TEAD4: variants seen among roughly 807,000 people sequenced by gnomAD.
TEAD4 encodes transcriptional enhancer factor TEF-3.
In TEAD4, 36 loss-of-function variants were observed where a neutral mutation model predicts 52.4. The observed-to-expected ratio is 0.69, with a 90% CI of 0.53 to 0.91. The LOEUF is 0.91. TEAD4 is among the 40% of genes least tolerant of loss of function. The pLI, the probability that TEAD4 is intolerant of heterozygous loss-of-function variation, is 0.00. For synonymous variants in TEAD4, 220 were observed against 231.0 expected (o/e 0.95, Z 0.43); for missense variants, 508 against 583.9 (o/e 0.87, Z 1.34).
At chr12:3,009,726 G>C (rs2098258716) in intron 3 of TEAD4, among the ~76,000 whole-genome samples, 1 of 152,224 alleles carries the variant, frequency 6.6e-6, no homozygotes, top group South Asian at 2.1e-4. Flanking sequence ...CAGGGTTTCA[G>C]GTGCAGATCA....
intron 2 of TEAD4, among the ~76,000 whole-genome samples, chr12:2,968,385 C>CTTTT (rs61672018): frequency 0.055 from 3,001 of 55,052 alleles, 1,075 homozygotes; most frequent in African/African-American, 0.18. Flanking sequence ...CGCGCCCGGC[C>CTTTT]TTTTTTTTTT....
At chr12:2,980,192 C>T (rs2098233006) in intron 2 of TEAD4, among the ~76,000 whole-genome samples, 2 of 152,132 alleles carry the variant, frequency 1.3e-5, no homozygotes, top group South Asian at 2.1e-4. Flanking sequence ...TTTTCTTCCC[C>T]GAGATTCTTT....
chr12:3,010,909 G>T (rs1416484036), intron 3 of TEAD4, 95 bp from the exon 4 acceptor site: 6 of 1,384,284 alleles, frequency 4.3e-6, no homozygotes, highest in Non-Finnish European at 6.1e-6. Context: ...CAGAGAGTGA[G>T]GGCAGGGCTC....
chr12:3,005,043 A>C (rs924696248), intron 3 of TEAD4, among the ~76,000 whole-genome samples: 4 of 152,252 alleles, frequency 2.6e-5, no homozygotes, highest in African/African-American at 9.6e-5. Flanking sequence ...AGCTCCACAG[A>C]CAGCCAGGGA....
chr12:3,025,052 C>A (rs1259251001), intron 10 of TEAD4, among the ~76,000 whole-genome samples: 4 of 151,962 alleles, frequency 2.6e-5, no homozygotes, highest in African/African-American at 9.7e-5. Flanking sequence ...TCAAGCAATT[C>A]CCCTGCCTCA....
chr12:3,029,233 A>ATTTTTTTT (rs71057880), intron 10 of TEAD4, among the ~76,000 whole-genome samples: 2 of 109,620 alleles, frequency 1.8e-5, no homozygotes, highest in Non-Finnish European at 3.6e-5. Context: ...CGCCTGGCCA[A>ATTTTTTTT]TTTTTTTTTT....
At chr12:2,992,506 C>T (rs1261290945) in intron 2 of TEAD4, among the ~76,000 whole-genome samples, 2 of 152,102 alleles carry the variant, frequency 1.3e-5, no homozygotes, top group Non-Finnish European at 2.9e-5. Context: ...TTCTCACAGG[C>T]CATGGGTGGG....
intron 10 of TEAD4, among the ~76,000 whole-genome samples, chr12:3,033,384 T>C (rs6489423): frequency 0.95 from 144,136 of 152,268 alleles, 68,731 homozygotes; most frequent in East Asian, 1. Context: ...GCGATGAAGC[T>C]CCCTTCCTCC....
chr12:2,997,609 G>A (rs1162972694), intron 3 of TEAD4, among the ~76,000 whole-genome samples: 4 of 152,034 alleles, frequency 2.6e-5, no homozygotes, highest in African/African-American at 9.7e-5. Flanking sequence ...CCCTTCACAG[G>A]GCAGGTCTGT....
chr12:3,022,142 G>A (rs1175588414), intron 10 of TEAD4, 125 bp downstream of exon 10: 8 of 1,276,292 alleles, frequency 6.3e-6, no homozygotes, highest in Non-Finnish European at 6.5e-6. Flanking sequence ...CAGTGAGAAG[G>A]GGAGAGTAAG....
Position 3,020,772 on chromosome 12 carries a change from C to G in TEAD4, c.722C>G (p.Thr241Arg). The change falls in exon 9 of 13, where the codon ACG (threonine) becomes AGG (arginine). Residue 241 changes from threonine (T) to arginine (R), a missense_variant and splice_region_variant. Coordinates refer to ENST00000359864, the MANE Select transcript of TEAD4 (RefSeq NM_003213.4). ...CTGGAGCAGCAGCAGGACCCGGACA[C>G]GGTAGGTCCTGGCCTCTGCCTGTCC... The G allele has an allele frequency of 6.2e-7, 1 of 1,602,832 alleles. No homozygotes were observed. The highest frequency in any genetic ancestry group is 8.5e-7 in the Non-Finnish European group (1 of 1,174,314).
chr12:3,035,702 C>T (rs1218169893), intron 10 of TEAD4, among the ~76,000 whole-genome samples: 1 of 151,912 alleles, frequency 6.6e-6, no homozygotes, highest in Non-Finnish European at 1.5e-5. Flanking sequence ...TGCCTATAAT[C>T]CTGGCTACTC....
chr12:2,985,137 C>A (rs886266295), intron 2 of TEAD4, among the ~76,000 whole-genome samples: 2 of 152,110 alleles, frequency 1.3e-5, no homozygotes, highest in Admixed American at 1.3e-4. Context: ...GTAATCCCAG[C>A]ACTTTGGGAG....
rs562988748 is a variant in TEAD4, at chr12:3,019,980, C to T, written c.584-654C>T. 5.9e-5 allele frequency among the ~76,000 whole-genome samples: 9 copies of T among 152,352 alleles called. No homozygotes were observed. The East Asian group carries it at 1.2e-3, about 20-fold the overall frequency. On this transcript the variant is annotated intron_variant, in intron 8 of 12. Transcript: ENST00000359864. ...TGCGTTCCTGCAGCAGCCTCTCCAC[C>T]GGCTCGCTGTCCCGTCTCACCTCCT...
intron 2 of TEAD4, among the ~76,000 whole-genome samples, chr12:2,977,055 C>A (rs989743415): frequency 6.8e-6 from 1 of 146,224 alleles, no homozygotes. Context: ...GAATCACGTG[C>A]AAGGAGCCCC....
At chr12:3,004,951 G>T (rs1565538909) in intron 3 of TEAD4, among the ~76,000 whole-genome samples, 1 of 152,180 alleles carries the variant, frequency 6.6e-6, no homozygotes, top group Non-Finnish European at 1.5e-5. Context: ...CTCACGGGGG[G>T]TTCTCAACTG....
In TEAD4 at chr12:2,974,674, C is replaced by T. The variant is rs761687834; in HGVS notation, c.-30+14634C>T. Among the ~76,000 whole-genome samples the T allele has an allele frequency of 4.6e-5, 7 of 152,158 alleles. No homozygotes were observed. In the East Asian group the frequency reaches 7.7e-4, roughly 17 times the overall value. ...GCTCTGGGTCCTGGAAGGCATTCCC[C>T]GGTGTGGAGACTCCCTCTTCTGCCT... On this transcript the variant is annotated intron_variant, in intron 2 of 12. Coordinates refer to ENST00000359864, the MANE Select transcript of TEAD4 (RefSeq NM_003213.4).
chr12:2,988,795 T>C (rs1004132894), intron 2 of TEAD4, among the ~76,000 whole-genome samples: 1 of 152,106 alleles, frequency 6.6e-6, no homozygotes, highest in Non-Finnish European at 1.5e-5. Flanking sequence ...CATGCCTATG[T>C]AATGAAGCCA....
intron 3 of TEAD4, among the ~76,000 whole-genome samples, chr12:2,999,699 G>A (rs958971394): frequency 1.3e-5 from 2 of 151,804 alleles, no homozygotes; most frequent in African/African-American, 2.4e-5. Flanking sequence ...CACAGCCAAC[G>A]CTGGCCACCC....
Sources: allele counts gnomAD v4.1 joint callset (sites outside exome capture counted in the v4.1 genomes callset), GRCh38; gene constraint gnomAD v4.1.1; transcripts MANE v1.5; gene names NCBI Gene and HGNC (gene_info 2026-07-23, HGNC 2026-07-21).